Variants in ANKS1B observed in about 807,000 individuals in gnomAD.
The protein encoded by ANKS1B is ankyrin repeat and sterile alpha motif domain-containing protein 1B.
In ANKS1B, 36 loss-of-function variants were observed where a neutral mutation model predicts 148.3. That is an observed-to-expected ratio of 0.24 (90% CI 0.19 to 0.32). The LOEUF is 0.32. Among genes scored for constraint, ANKS1B ranks in the 10% least tolerant of loss-of-function variants. ANKS1B has a pLI of 1.00. For missense variants in ANKS1B, 1,157 were observed against 1,542.6 expected, an observed-to-expected ratio of 0.75 and a Z score of 4.19; for synonymous variants, 542 against 560.8, an observed-to-expected ratio of 0.97 and a Z score of 0.47.
intron 25 of ANKS1B, among the ~76,000 whole-genome samples, chr12:98,760,062 G>C (rs1282369426): frequency 6.6e-6 from 1 of 152,130 alleles, no homozygotes; most frequent in Non-Finnish European, 1.5e-5. Flanking sequence ...ACATAGATAG[G>C]ATCTGTATAT....
At chr12:98,989,013 C>G (rs1335405789) in intron 17 of ANKS1B, among the ~76,000 whole-genome samples, 1 of 152,052 alleles carries the variant, frequency 6.6e-6, no homozygotes, top group Admixed American at 6.6e-5. Context: ...AATATTAACT[C>G]CTTATCAGAT....
chr12:99,152,741 G>A (rs1457646293), intron 15 of ANKS1B, among the ~76,000 whole-genome samples: 1 of 152,150 alleles, frequency 6.6e-6, no homozygotes, highest in Non-Finnish European at 1.5e-5. Context: ...GGTTGGGAAT[G>A]AGAAACCCTT....
chr12:98,946,271 A>G (rs2099845368), intron 17 of ANKS1B, among the ~76,000 whole-genome samples: 1 of 152,174 alleles, frequency 6.6e-6, no homozygotes, highest in African/African-American at 2.4e-5. Flanking sequence ...TGATGAAGTA[A>G]CTGTCCTAGA....
rs578189738 is a variant in ANKS1B, at chr12:99,425,265, C to T, written c.1575+18408G>A. 4.0e-5 allele frequency among the ~76,000 whole-genome samples: 6 copies of T among 151,740 alleles called. 1 individual carries two copies. Among genetic ancestry groups the T allele is most frequent in the Non-Finnish European group, 8.8e-5 (6 of 67,856 alleles). ...TTAACAGTTAACATTTTTATAGTTACCATATAATTAAGTTATTCATATGAT... is the reference window on the plus strand; with the variant it reads ...TTAACAGTTAACATTTTTATAGTTATCATATAATTAAGTTATTCATATGAT... On this transcript the variant is annotated intron_variant, in intron 11 of 26. Coordinates refer to ENST00000683438, the MANE Select transcript of ANKS1B (RefSeq NM_001352186.2).
At chr12:99,351,819 A>C (rs1367813916) in intron 12 of ANKS1B, among the ~76,000 whole-genome samples, 1 of 152,124 alleles carries the variant, frequency 6.6e-6, no homozygotes, top group Admixed American at 6.6e-5. Flanking sequence ...TCTGACATAC[A>C]TCAATAAGAT....
chr12:98,794,484 C>A, intron 22 of ANKS1B: 1 of 386,532 alleles, frequency 2.6e-6, no homozygotes, highest in Non-Finnish European at 4.9e-6. Flanking sequence ...GGGGGTTCAA[C>A]ATGTGTATCA....
intron 17 of ANKS1B, chr12:98,895,417 C>T (rs946039272): frequency 3.5e-6 from 2 of 570,664 alleles, no homozygotes; most frequent in Non-Finnish European, 4.4e-6. Flanking sequence ...GCAGCAGCCG[C>T]CACTGCCGCT....
At position 98,813,580 on chromosome 12, in the gene ANKS1B, T is replaced by C. The variant is rs182903981; in HGVS notation, c.3067-5662A>G. On this transcript the variant is annotated intron_variant, in intron 19 of 26. Coordinates refer to ENST00000683438, the MANE Select transcript of ANKS1B (RefSeq NM_001352186.2). ...GCATTGGAGACAGGGTCTTGCTCTG[T>C]CACCCAGGCTGGAGTACAGTGGCAC... Among the ~76,000 whole-genome samples, 4 of 152,130 alleles carry C rather than the reference T, an allele frequency of 2.6e-5. No individual in the cohort carries two copies. The East Asian group carries it at 7.7e-4, about 29-fold the overall frequency.
At chr12:99,061,521 T>C (rs1002702042) in intron 16 of ANKS1B, among the ~76,000 whole-genome samples, 4 of 152,230 alleles carry the variant, frequency 2.6e-5, no homozygotes, top group African/African-American at 9.6e-5. Context: ...CTTTGAGTAG[T>C]AGTGCTTTGG....
chr12:99,500,693 A>G (rs750627213), intron 10 of ANKS1B, among the ~76,000 whole-genome samples: 3 of 152,168 alleles, frequency 2.0e-5, no homozygotes, highest in Non-Finnish European at 2.9e-5. Flanking sequence ...TTTTGCTCCC[A>G]AAGAACTCTT....
chr12:99,524,455 C>T (rs765856408), intron 9 of ANKS1B, among the ~76,000 whole-genome samples: 3 of 152,056 alleles, frequency 2.0e-5, no homozygotes, highest in Non-Finnish European at 2.9e-5. Context: ...ACTGCATTAT[C>T]CAGGTGGCCC....
intron 17 of ANKS1B, among the ~76,000 whole-genome samples, chr12:98,969,577 T>C (rs1453027202): frequency 2.1e-5 from 3 of 145,340 alleles, no homozygotes; most frequent in African/African-American, 5.2e-5. Flanking sequence ...AAAAGAAATA[T>C]CTTTTTTTTG....
intron 10 of ANKS1B, among the ~76,000 whole-genome samples, chr12:99,487,049 G>A (rs999497744): frequency 8.5e-5 from 13 of 152,138 alleles, no homozygotes; most frequent in Admixed American, 2.0e-4. Flanking sequence ...TGATTGTTGG[G>A]TTAGAGCTGA....
chr12:99,304,198 C>T (rs73143013), intron 12 of ANKS1B, among the ~76,000 whole-genome samples: 16,357 of 152,100 alleles, frequency 0.11, 885 homozygotes, highest in Non-Finnish European at 0.13. Context: ...ATACTGTTTT[C>T]GGTAGTGGTT....
chr12:99,304,489 C>T (rs1370054362), intron 12 of ANKS1B, among the ~76,000 whole-genome samples: 2 of 152,078 alleles, frequency 1.3e-5, no homozygotes, highest in African/African-American at 4.8e-5. Context: ...TTTTCTTTTA[C>T]TAGCTTTTGC....
intron 15 of ANKS1B, among the ~76,000 whole-genome samples, chr12:99,125,231 T>TTTCA (rs1349477727): frequency 6.6e-6 from 1 of 152,126 alleles, no homozygotes; most frequent in Non-Finnish European, 1.5e-5. Context: ...ATGTGGGAAA[T>TTTCA]TTCATTCATT....
chr12:99,801,241 G>A (rs1034478708), intron 4 of ANKS1B, among the ~76,000 whole-genome samples: 1 of 152,082 alleles, frequency 6.6e-6, no homozygotes, highest in Non-Finnish European at 1.5e-5. Context: ...CCTAGTCCCA[G>A]GAGGAAGATA....
At chr12:99,415,211 C>G (rs1202263217) in intron 11 of ANKS1B, among the ~76,000 whole-genome samples, 4 of 152,114 alleles carry the variant, frequency 2.6e-5, no homozygotes, top group African/African-American at 7.2e-5. Flanking sequence ...TACTTTTTGA[C>G]TTAGGTATTG....
At chr12:99,395,028 T>A (rs2094199987) in intron 12 of ANKS1B, among the ~76,000 whole-genome samples, 1 of 152,190 alleles carries the variant, frequency 6.6e-6, no homozygotes, top group Admixed American at 6.5e-5. Context: ...CATTTTCTCA[T>A]ATACCATGTC....
Sources: gnomAD v4.1 joint callset for allele counts (sites outside exome capture counted in the v4.1 genomes callset) on GRCh38, gnomAD v4.1.1 for gene constraint, MANE v1.5 for transcripts, NCBI Gene and HGNC (gene_info 2026-07-23, HGNC 2026-07-21) for gene names.